SVIL: variants seen among roughly 807,000 people sequenced by gnomAD.
The protein encoded by SVIL is supervillin.
A neutral mutation model predicts 240.4 loss-of-function variants in SVIL; 101 were observed. That is an observed-to-expected ratio of 0.42 (90% CI 0.36 to 0.50). The LOEUF (loss-of-function observed/expected upper bound fraction) is 0.50. Among genes scored for constraint, SVIL ranks in the 20% least tolerant of loss-of-function variants. The pLI, the probability that SVIL is intolerant of heterozygous loss-of-function variation, is 0.01. For missense variants in SVIL, 2,512 were observed against 2,818.7 expected (o/e 0.89, Z 2.46); for synonymous variants, 999 against 1,100.0 (o/e 0.91, Z 1.82).
intron 1 of SVIL, among the ~76,000 whole-genome samples, chr10:29,632,490 CAAA>C (rs372500753): frequency 5.3e-5 from 5 of 94,954 alleles, no homozygotes. Flanking sequence ...GACTCCATCT[CAAA>C]AAAAAAAAAA....
intron 17 of SVIL, among the ~76,000 whole-genome samples, chr10:29,511,599 C>G (rs1004711622): frequency 3.9e-5 from 6 of 152,222 alleles, no homozygotes; most frequent in African/African-American, 1.4e-4. Context: ...TTTTTGAAAT[C>G]TGAATTTCAC....
chr10:29,575,454 T>C (rs889615097), intron 1 of SVIL: 3 of 196,190 alleles, frequency 1.5e-5, no homozygotes, highest in Admixed American at 9.6e-5. Flanking sequence ...TATTTCAGGA[T>C]TCTGGCAATG....
chr10:29,538,881 C>A (rs951459126), intron 6 of SVIL, among the ~76,000 whole-genome samples: 4 of 152,190 alleles, frequency 2.6e-5, no homozygotes, highest in Admixed American at 6.5e-5. Context: ...AACAAAGAGG[C>A]CAGGTGTGGT....
At chr10:29,598,958 G>T (rs572264773) in intron 1 of SVIL, among the ~76,000 whole-genome samples, 1 of 152,150 alleles carries the variant, frequency 6.6e-6, no homozygotes, top group Non-Finnish European at 1.5e-5. Context: ...CCCAGCCAAC[G>T]TTTCATGAAA....
At chr10:29,679,437 C>A (rs1184012644) in intron 2 of SVIL, among the ~76,000 whole-genome samples, 1 of 152,136 alleles carries the variant, frequency 6.6e-6, no homozygotes, top group African/African-American at 2.4e-5. Context: ...TCAGATGGGA[C>A]TTCTTCATCA....
At chr10:29,734,597 T>C (rs553119957) in intron 1 of SVIL, among the ~76,000 whole-genome samples, 99 of 152,146 alleles carry the variant, frequency 6.5e-4, no homozygotes, top group Middle Eastern at 3.4e-3. Flanking sequence ...CATTAGCCCT[T>C]CATAAAAACC....
intron 31 of SVIL, among the ~76,000 whole-genome samples, 181 bp downstream of exon 31, chr10:29,470,957 C>G (rs1228138936): frequency 6.6e-6 from 1 of 152,136 alleles, no homozygotes; most frequent in Non-Finnish European, 1.5e-5. Flanking sequence ...CGAGTAAATT[C>G]TCCAGGGAGA....
intron 16 of SVIL, among the ~76,000 whole-genome samples, chr10:29,520,942 G>A (rs1240984622): frequency 2.0e-5 from 3 of 150,808 alleles, no homozygotes; most frequent in African/African-American, 7.3e-5. Flanking sequence ...AGAAAGAAGG[G>A]GCCAGGCACG....
chr10:29,481,604 C>T lies in SVIL; in HGVS notation c.5080G>A (p.Gly1694Arg), dbSNP rs780319605. Residue 1694 changes from glycine to arginine, a missense_variant, in exon 28 of 38, where the codon GGG (glycine) becomes AGG (arginine). Physicochemically the swap from Gly to Arg is moderately radical, Grantham distance 125. Transcript: ENST00000355867. ...AATACCTTGTGCTGGGCAAGTTCCC[C>T]GGGGTTCTTCTCATTCGATCTCTTC... ...ELKRSNEKNPGELAQHKEDPR... is the reference protein window; with the variant it reads ...ELKRSNEKNPRELAQHKEDPR... 1.5e-5 allele frequency: 24 copies of T among 1,613,998 alleles called. No individual in the cohort carries two copies. Among genetic ancestry groups the T allele is most frequent in the East Asian group, 1.3e-4 (6 of 44,884 alleles).
At chr10:29,662,959 G>T (rs1959175689) in intron 2 of SVIL, among the ~76,000 whole-genome samples, 1 of 152,118 alleles carries the variant, frequency 6.6e-6, no homozygotes, top group South Asian at 2.1e-4. Flanking sequence ...AAAAAGTAAA[G>T]AAAATTAACT....
chr10:29,643,881 G>A, intron 3 of SVIL: 2 of 444,556 alleles, frequency 4.5e-6, no homozygotes, highest in South Asian at 1.6e-5. Context: ...AGAACTGCTG[G>A]CCTCGTGGTC....
At chr10:29,580,373 C>T (rs943929779) in intron 1 of SVIL, among the ~76,000 whole-genome samples, 1 of 151,968 alleles carries the variant, frequency 6.6e-6, no homozygotes, top group Non-Finnish European at 1.5e-5. Context: ...TTAATAAAGG[C>T]AAAACAGCCA....
intron 17 of SVIL, among the ~76,000 whole-genome samples, chr10:29,507,478 C>T (rs937838002): frequency 3.3e-5 from 5 of 151,878 alleles, no homozygotes; most frequent in African/African-American, 1.2e-4. Context: ...CAATTAAACA[C>T]ACACATACGT....
intron 1 of SVIL, among the ~76,000 whole-genome samples, chr10:29,693,622 C>T (rs190984318): frequency 2.6e-5 from 4 of 152,262 alleles, no homozygotes; most frequent in African/African-American, 9.6e-5. Context: ...ACTCCAGAGC[C>T]AAGCCGCTGT....
In SVIL at chr10:29,504,806, A is replaced by C. The variant is rs142942407; in HGVS notation, c.3517-5543T>G. Among the ~76,000 whole-genome samples the C allele has an allele frequency of 5.2e-3, 786 of 152,308 alleles. 6 individuals carry two copies. Among genetic ancestry groups the C allele is most frequent in the African/African-American group, 0.018 (754 of 41,564 alleles). On this transcript the variant is annotated intron_variant, in intron 17 of 37. Coordinates refer to ENST00000355867, the MANE Select transcript of SVIL (RefSeq NM_021738.3). The stretch of plus-strand genomic sequence containing the variant: ...AGTTTGGAGGTTTCTCACAGAACTA[A>C]ACATACTCTTACCGTATGATACAGC...
chr10:29,651,392 C>G (rs2133011218), intron 3 of SVIL, among the ~76,000 whole-genome samples: 1 of 152,260 alleles, frequency 6.6e-6, no homozygotes, highest in South Asian at 2.1e-4. Flanking sequence ...TCTGGAGTTT[C>G]CAATCTGAAC....
rs766217027 is a variant in SVIL at position 29,523,644 on chromosome 10, T to C, written c.2970A>G (p.Glu990=). 3.1e-6 allele frequency: 5 copies of C among 1,614,128 alleles called. No individual in the cohort carries two copies. In the South Asian group the frequency reaches 5.5e-5, roughly 18 times the overall value. Residue 990 remains glutamate (E), a synonymous_variant, in exon 15 of 38, where the codon GAA becomes GAG. Transcript: ENST00000355867. ...CTCTTCTGGGAACAGCATATTTAGA[T>C]TCCTTATGGCTGTCTCCTTCCCTGG... The part of the protein sequence containing the change: ...NRAREGDSHK[E]SKYAVPRRGS...
intron 2 of SVIL, among the ~76,000 whole-genome samples, chr10:29,661,784 T>C (rs1000562793): frequency 3.3e-5 from 5 of 152,192 alleles, no homozygotes; most frequent in Non-Finnish European, 7.3e-5. Flanking sequence ...TTCTGGTGAG[T>C]TTTTATTTTC....
intron 6 of SVIL, among the ~76,000 whole-genome samples, chr10:29,538,559 G>A (rs950529784): frequency 2.0e-5 from 3 of 152,172 alleles, no homozygotes; most frequent in Admixed American, 6.5e-5. Context: ...TGTGTGGTGC[G>A]ATGCTCCCCT....
Sources: allele counts gnomAD v4.1 joint callset (sites outside exome capture counted in the v4.1 genomes callset), GRCh38; gene constraint gnomAD v4.1.1; transcripts MANE v1.5; gene names NCBI Gene and HGNC (gene_info 2026-07-23, HGNC 2026-07-21).